NLK: variants seen among roughly 807,000 people sequenced by gnomAD.
NLK encodes the protein serine/threonine-protein kinase NLK.
NLK carries 11 observed loss-of-function variants against 59.0 expected under a neutral mutation model. That is an observed-to-expected ratio of 0.19 (90% CI 0.12 to 0.31). NLK has a LOEUF of 0.31. Among genes scored for constraint, NLK ranks in the 10% least tolerant of loss-of-function variants. The pLI is 1.00. For synonymous variants in NLK, 235 were observed against 235.9 expected (o/e 1.00, Z 0.03); for missense variants, 410 against 661.1 (o/e 0.62, Z 4.16).
the NLK span, among the ~76,000 whole-genome samples, chr17:28,204,773 G>A: frequency 4.6e-5 from 7 of 152,208 alleles, no homozygotes; most frequent in African/African-American, 1.7e-4. Flanking sequence ...AATTGGGAGT[G>A]TTGGGGTTCA....
chr17:28,065,946 T>C (rs1909809695), intron 1 of NLK, among the ~76,000 whole-genome samples: 1 of 152,180 alleles, frequency 6.6e-6, no homozygotes, highest in South Asian at 2.1e-4. Flanking sequence ...CCTCAGTTTC[T>C]ACAGATGACT....
chr17:28,200,794 T>TA (rs899800107), downstream of NLK, among the ~76,000 whole-genome samples: 11 of 152,116 alleles, frequency 7.2e-5, no homozygotes, highest in South Asian at 4.1e-4. Flanking sequence ...CTTTGTTACT[T>TA]AAAAAAAATT....
chr17:28,176,167 A>G (rs961555082), intron 7 of NLK, among the ~76,000 whole-genome samples: 3 of 152,198 alleles, frequency 2.0e-5, no homozygotes, highest in Non-Finnish European at 2.9e-5. Flanking sequence ...GATGCTGCTT[A>G]GGCCAATTGG....
chr17:28,126,271 A>T (rs1359343099), intron 2 of NLK, among the ~76,000 whole-genome samples: 1 of 152,242 alleles, frequency 6.6e-6, no homozygotes, highest in Non-Finnish European at 1.5e-5. Flanking sequence ...GGGGGACCTT[A>T]AAACACAGAT....
chr17:28,185,635 A>G (rs929774207), intron 8 of NLK, among the ~76,000 whole-genome samples: 1 of 151,820 alleles, frequency 6.6e-6, no homozygotes, highest in Non-Finnish European at 1.5e-5. Flanking sequence ...TGTACCCTCA[A>G]CCTCCCAGGC....
At chr17:28,142,942 G>A (rs183942450) in intron 3 of NLK, among the ~76,000 whole-genome samples, 1 of 152,164 alleles carries the variant, frequency 6.6e-6, no homozygotes, top group Admixed American at 6.5e-5. Context: ...CCAGGCTTGG[G>A]CATCTATGTA....
At chr17:28,097,818 T>G in intron 1 of NLK, among the ~76,000 whole-genome samples, 1 of 152,186 alleles carries the variant, frequency 6.6e-6, no homozygotes, top group East Asian at 1.9e-4. Flanking sequence ...TCAGTTGTGA[T>G]TCCTGCCTTT....
chr17:28,185,547 A>G (rs996927479), intron 8 of NLK, among the ~76,000 whole-genome samples: 2 of 152,200 alleles, frequency 1.3e-5, no homozygotes, highest in Non-Finnish European at 2.9e-5. Context: ...TTAAGTCAAG[A>G]CAAAATGATT....
chr17:28,089,716 C>T (rs1041949621), intron 1 of NLK, among the ~76,000 whole-genome samples: 1 of 152,144 alleles, frequency 6.6e-6, no homozygotes, highest in African/African-American at 2.4e-5. Flanking sequence ...CTCCGTATCA[C>T]TGCTGTTACT....
intron 5 of NLK, among the ~76,000 whole-genome samples, chr17:28,167,173 T>G (rs937691849): frequency 1.9e-4 from 29 of 152,280 alleles, no homozygotes; most frequent in Non-Finnish European, 3.5e-4. Flanking sequence ...GATACACCCC[T>G]TTATCTTATG....
At chr17:28,123,124 G>T (rs892786920) in intron 2 of NLK, among the ~76,000 whole-genome samples, 2 of 152,098 alleles carry the variant, frequency 1.3e-5, no homozygotes, top group African/African-American at 2.4e-5. Flanking sequence ...TTATTTGAAG[G>T]TTTGAAAATT....
rs769658044 is a variant in NLK at position 28,043,196 on chromosome 17, C to G, written c.323C>G (p.Ala108Gly). The change falls in exon 1 of 11, where the codon GCA becomes GGA. Residue 108 changes from alanine (A) to glycine (G), a missense_variant. Physicochemically the swap from Ala to Gly is moderately conservative, Grantham distance 60. Transcript: ENST00000407008. ...APGQAPGPAA[A>G]APAQVQAAAA... ...GGGCAGGCTCCTGGACCAGCTGCAG[C>G]AGCCCCAGCTCAGGTACAGGCTGCC... The G allele has an allele frequency of 6.8e-6, 11 of 1,613,900 alleles. No homozygotes were observed. The highest frequency in any genetic ancestry group is 9.3e-6 in the Non-Finnish European group (11 of 1,179,900).
At chr17:28,065,874 C>T (rs1343422147) in intron 1 of NLK, among the ~76,000 whole-genome samples, 7 of 152,178 alleles carry the variant, frequency 4.6e-5, no homozygotes, top group Non-Finnish European at 7.3e-5. Flanking sequence ...GCTCATTTCT[C>T]CACTGCTCAC....
At chr17:28,121,176 G>A (rs1224443423) in intron 1 of NLK, among the ~76,000 whole-genome samples, 5 of 151,230 alleles carry the variant, frequency 3.3e-5, no homozygotes, top group East Asian at 1.9e-4. Flanking sequence ...CTCAGCCTCC[G>A]AAAGTGCTGG....
intron 8 of NLK, 122 bp downstream of exon 8, chr17:28,185,387 TC>T: frequency 1.6e-6 from 1 of 616,224 alleles, no homozygotes; most frequent in East Asian, 2.9e-5. Context: ...TAAACTTCAA[TC>T]CCCAGTATCA....
At chr17:28,139,161 C>T (rs868002862) in intron 3 of NLK, among the ~76,000 whole-genome samples, 3 of 152,210 alleles carry the variant, frequency 2.0e-5, no homozygotes, top group African/African-American at 4.8e-5. Flanking sequence ...GAGGCTGAGG[C>T]GGGAGAATCT....
At chr17:28,092,857 G>A (rs34455313) in intron 1 of NLK, among the ~76,000 whole-genome samples, 22,643 of 150,780 alleles carry the variant, frequency 0.15, 2,302 homozygotes, top group Non-Finnish European at 0.22. Context: ...GTGCAGTGGC[G>A]CAATCTTGGC....
At chr17:28,197,604 A>G (rs143038873), downstream of NLK, among the ~76,000 whole-genome samples, 158 of 152,298 alleles carry the variant, frequency 1.0e-3, 1 homozygote, top group Non-Finnish European at 2.0e-3. Flanking sequence ...GGGAATTGCA[A>G]AACTGTGGAG....
intron 7 of NLK, among the ~76,000 whole-genome samples, chr17:28,173,927 C>T (rs900573474): frequency 2.0e-5 from 3 of 152,184 alleles, no homozygotes; most frequent in Non-Finnish European, 4.4e-5. Context: ...AGATCAGACA[C>T]CCTTATGCTA....
Sources: allele counts gnomAD v4.1 joint callset (sites outside exome capture counted in the v4.1 genomes callset), GRCh38; gene constraint gnomAD v4.1.1; transcripts MANE v1.5; gene names NCBI Gene and HGNC (gene_info 2026-07-23, HGNC 2026-07-21).